RPS6KA1: variants seen among roughly 807,000 people sequenced by gnomAD.
RPS6KA1 encodes the protein ribosomal protein S6 kinase A1.
A neutral mutation model predicts 91.3 loss-of-function variants in RPS6KA1; 48 were observed. The observed-to-expected ratio is 0.53, with a 90% CI of 0.42 to 0.67. RPS6KA1 has a LOEUF of 0.67. Ranked by LOEUF, RPS6KA1 falls within the 30% of genes least tolerant of loss-of-function variation. The probability of loss-of-function intolerance (pLI) is 0.00; values close to 1 mark genes in which losing one functional copy is unlikely to be tolerated. For synonymous variants in RPS6KA1, 359 were observed against 384.7 expected, an observed-to-expected ratio of 0.93 and a Z score of 0.78; for missense variants, 719 against 960.5, an observed-to-expected ratio of 0.75 and a Z score of 3.32.
Position 26,571,651 on chromosome 1 carries a change from A to C in RPS6KA1, c.1752+41A>C, listed in dbSNP as rs188158. On this transcript the variant is annotated intron_variant, in intron 18 of 21. Coordinates refer to ENST00000374168, the MANE Select transcript of RPS6KA1 (RefSeq NM_002953.4). The surrounding 1 kb of genome is among the most constrained non-coding windows in gnomAD (Gnocchi z 5.1). ...TCCTCAGCTGTAAGAGTGAGGGGGA[A>C]TTGGAGGCCTTGTGCCCCCTCCCAG... 16 of 1,602,386 alleles carry C rather than the reference A, an allele frequency of 1.0e-5. No individual in the cohort carries two copies. The highest frequency in any genetic ancestry group is 1.4e-5 in the Non-Finnish European group (16 of 1,173,118).
Position 26,540,654 on chromosome 1 carries a change from T to C in RPS6KA1, c.108+3685T>C, listed in dbSNP as rs2075940296. ...GCAGTGGTACAACCACAGCTCACTG[T>C]AGCCTTGACCTCCTAGGCTCAAGTG... On this transcript the variant is annotated intron_variant, in intron 2 of 21. Coordinates refer to ENST00000374168, the MANE Select transcript of RPS6KA1 (RefSeq NM_002953.4). This position sits in a 1 kb window ranked among gnomAD's most constrained non-coding sequence, Gnocchi z 4.2. Among the ~76,000 whole-genome samples the C allele has an allele frequency of 6.6e-6, 1 of 151,890 alleles. No homozygotes were observed. The highest frequency in any genetic ancestry group is 2.4e-5 in the African/African-American group (1 of 41,328).
At chr1:26,567,152 C>T (rs2076210003) in intron 17 of RPS6KA1, among the ~76,000 whole-genome samples, 3 of 151,950 alleles carry the variant, frequency 2.0e-5, no homozygotes, top group Admixed American at 2.0e-4. Flanking sequence ...GCACCCCACA[C>T]AGCTAGGACT....
At position 26,551,692 on chromosome 1, in the gene RPS6KA1, G is replaced by A. The variant is rs762915479; in HGVS notation, c.437G>A (p.Gly146Asp). The A allele has an allele frequency of 6.2e-7, 1 of 1,614,192 alleles. No homozygotes were observed. The highest frequency in any genetic ancestry group is 8.5e-7 in the Non-Finnish European group (1 of 1,180,032). The change falls in exon 6 of 22, where the codon GGT (glycine) becomes GAT (aspartate). Residue 146 changes from glycine (G) to aspartate (D), a missense_variant. Coordinates refer to ENST00000374168, the MANE Select transcript of RPS6KA1 (RefSeq NM_002953.4). The surrounding 1 kb of genome is among the most constrained non-coding windows in gnomAD (Gnocchi z 4.5). ...TATCTCATTCTGGACTTCCTGCGTG[G>A]TGGGGACCTCTTCACCCGGCTCTCA... is the stretch of plus-strand genomic sequence containing the variant. ...KLYLILDFLR[G>D]GDLFTRLSKE... is the part of the protein sequence containing the mutation.
intron 1 of RPS6KA1, among the ~76,000 whole-genome samples, chr1:26,532,927 G>A (rs1228112445): frequency 6.6e-6 from 1 of 152,158 alleles, no homozygotes. Context: ...CTAAGACAAA[G>A]TCCTTCATTC....
At chr1:26,552,467 CTTT>C (rs1200548875) in intron 6 of RPS6KA1, among the ~76,000 whole-genome samples, 2 of 122,306 alleles carry the variant, frequency 1.6e-5, no homozygotes, top group Non-Finnish European at 3.4e-5. Context: ...GAGAATCTAG[CTTT>C]TTTTTTTTTT....
In RPS6KA1 at chr1:26,574,829, C is replaced by T. The variant is rs1249090613; in HGVS notation, c.*628C>T. On this transcript the variant is annotated 3_prime_UTR_variant, in exon 22 of 22. Transcript: ENST00000374168. The surrounding 1 kb of genome is among the most constrained non-coding windows in gnomAD (Gnocchi z 4.3). ...CTTGGCTCTGCCAGTGGATCCCCTGCGGTCAGGCTGGGCAGCCCCAGAGAG... is the reference window on the plus strand; with the variant it reads ...CTTGGCTCTGCCAGTGGATCCCCTGTGGTCAGGCTGGGCAGCCCCAGAGAG... 1.8e-5 allele frequency: 4 copies of T among 225,896 alleles called. No homozygotes were observed. Among genetic ancestry groups the T allele is most frequent in the Non-Finnish European group, 2.7e-5 (3 of 110,294 alleles). 14.0% of individuals were successfully genotyped at this position (225,896 alleles called of 1,614,324 possible). A position where few individuals can be genotyped will look rare whatever the true frequency, so the allele number is the denominator to read the frequency against.
rs1204868783 is a variant in RPS6KA1 at position 26,543,064 on chromosome 1, A to AG, written c.109-3797dup. ...CCCTGCAGAGGGGGAAGTGAGAAGG[A>AG]GGGGGGCCAGAGACCCTGCCTTCTG... On this transcript the variant is annotated intron_variant, in intron 2 of 21. Transcript: ENST00000374168. 5.3e-6 allele frequency: 7 copies of AG among 1,309,880 alleles called. No individual in the cohort carries two copies. In the African/African-American group the frequency reaches 5.8e-5, roughly 11 times the overall value. 81.1% of individuals were successfully genotyped at this position (1,309,880 alleles called of 1,614,324 possible).
At position 26,542,241 on chromosome 1, in the gene RPS6KA1, T is replaced by C. The variant is rs561670993; in HGVS notation, c.109-4626T>C. Among the ~76,000 whole-genome samples, 7 of 152,258 alleles carry C rather than the reference T, an allele frequency of 4.6e-5. No homozygotes were observed. The East Asian group carries it at 1.4e-3, about 29-fold the overall frequency. On this transcript the variant is annotated intron_variant, in intron 2 of 21. Coordinates refer to ENST00000374168, the MANE Select transcript of RPS6KA1 (RefSeq NM_002953.4). ...GGTAGGGAGGGTGAGCTTTGGGGCT[T>C]CCGAGAGCTGCCCCAGCCTCCAAAC... is the stretch of plus-strand genomic sequence containing the variant.
rs942383393 is a variant in RPS6KA1, at chr1:26,554,356, C to G, written c.613+105C>G. The G allele has an allele frequency of 2.3e-6, 3 of 1,295,904 alleles. No individual in the cohort carries two copies. The highest frequency in any genetic ancestry group is 3.2e-6 in the Non-Finnish European group (3 of 935,242). 80.3% of individuals were successfully genotyped at this position (1,295,904 alleles called of 1,614,324 possible). A position where few individuals can be genotyped will look rare whatever the true frequency, so the allele number is the denominator to read the frequency against. On this transcript the variant is annotated intron_variant, in intron 8 of 21. Transcript: ENST00000374168. The surrounding 1 kb of genome is among the most constrained non-coding windows in gnomAD (Gnocchi z 4.6). The stretch of plus-strand genomic sequence containing the variant: ...GGCTCATTCTTCCCGAGAAGCCGTG[C>G]CAGTTACTTGGAAGTGGTCAAAAAC...
At chr1:26,532,555 G>A (rs1029948335) in intron 1 of RPS6KA1, among the ~76,000 whole-genome samples, 2 of 152,124 alleles carry the variant, frequency 1.3e-5, no homozygotes, top group Admixed American at 6.5e-5. Context: ...CAAGGCCCTC[G>A]TCCAGTCTTT....
At chr1:26,543,936 C>G (rs1359617873) in intron 2 of RPS6KA1, 1 of 386,400 alleles carries the variant, frequency 2.6e-6, no homozygotes, top group Non-Finnish European at 5.3e-6. Flanking sequence ...CTGTCTGGGT[C>G]CCCCTCAGGT....
At chr1:26,556,179 G>A (rs909162918) in intron 11 of RPS6KA1, 7 of 206,594 alleles carry the variant, frequency 3.4e-5, no homozygotes, top group South Asian at 8.6e-5. Context: ...TGTCCAGTGT[G>A]TGCTGGCTTC....
chr1:26,537,287 G>A (rs1197714517), intron 2 of RPS6KA1, among the ~76,000 whole-genome samples: 3 of 152,238 alleles, frequency 2.0e-5, no homozygotes, highest in Non-Finnish European at 4.4e-5. Context: ...AAGGAGTGAT[G>A]GGAGGGGCTC....
At chr1:26,533,006 A>G (rs2075879111) in intron 1 of RPS6KA1, among the ~76,000 whole-genome samples, 1 of 152,220 alleles carries the variant, frequency 6.6e-6, no homozygotes. Context: ...GATAAGTACT[A>G]TTTCAGACAA....
chr1:26,542,001 C>G (rs1276123670), intron 2 of RPS6KA1, among the ~76,000 whole-genome samples: 1 of 152,162 alleles, frequency 6.6e-6, no homozygotes, highest in African/African-American at 2.4e-5. Flanking sequence ...TGGCTGTCCT[C>G]CCCCCGCCCG....
chr1:26,565,743 G>C (rs1489512861), intron 17 of RPS6KA1, among the ~76,000 whole-genome samples: 1 of 150,998 alleles, frequency 6.6e-6, no homozygotes, highest in Non-Finnish European at 1.5e-5. Flanking sequence ...TGTATTTTTA[G>C]TAGAGGCGGG....
Position 26,555,274 on chromosome 1 carries a change from A to G in RPS6KA1, c.827+53A>G. On this transcript the variant is annotated intron_variant, in intron 10 of 21. Transcript: ENST00000374168. The surrounding 1 kb of genome is among the most constrained non-coding windows in gnomAD (Gnocchi z 4.3). The stretch of plus-strand genomic sequence containing the variant: ...ATGGACTCCTCCAAGCCCCAGCCCC[A>G]GTTTGGGGGTCAGAATATTATTACC... 6.4e-7 allele frequency: 1 copy of G among 1,551,762 alleles called. No homozygotes were observed. Among genetic ancestry groups the G allele is most frequent in the African/African-American group, 1.4e-5 (1 of 73,772 alleles).
intron 17 of RPS6KA1, among the ~76,000 whole-genome samples, chr1:26,566,220 AT>A (rs2124664642): frequency 7.1e-6 from 1 of 141,808 alleles, no homozygotes; most frequent in South Asian, 2.4e-4. Flanking sequence ...CAATGTTGGT[AT>A]TTTTAATCTC....
At chr1:26,563,173 G>C (rs572580528) in intron 17 of RPS6KA1, among the ~76,000 whole-genome samples, 7 of 151,580 alleles carry the variant, frequency 4.6e-5, no homozygotes, top group Non-Finnish European at 8.8e-5. Flanking sequence ...TTTTTGACTG[G>C]TTTATTGAAA....
Sources: allele counts gnomAD v4.1 joint callset (sites outside exome capture counted in the v4.1 genomes callset), GRCh38; gene constraint gnomAD v4.1.1; non-coding constraint Gnocchi (gnomAD v3.1); transcripts MANE v1.5; gene names NCBI Gene and HGNC (gene_info 2026-07-23, HGNC 2026-07-21).